Variants in SAAL1 observed in about 807,000 individuals in gnomAD.
SAAL1 encodes serum amyloid A like 1, also known as protein SAAL1.
In SAAL1, 42 loss-of-function variants were observed where a neutral mutation model predicts 59.8. That is an observed-to-expected ratio of 0.70 (90% confidence interval 0.55 to 0.91). The LOEUF (loss-of-function observed/expected upper bound fraction) is 0.91. SAAL1 is among the 40% of genes least tolerant of loss of function. SAAL1 has a pLI of 0.00. For synonymous variants in SAAL1, 191 were observed against 194.3 expected, an observed-to-expected ratio of 0.98 and a Z score of 0.14; for missense variants, 542 against 561.1, an observed-to-expected ratio of 0.97 and a Z score of 0.34.
intron 7 of SAAL1, 122 bp downstream of exon 7, chr11:18,089,208 C>A: frequency 1.2e-6 from 1 of 802,796 alleles, no homozygotes; most frequent in Non-Finnish European, 1.9e-6. Context: ...AGTGAATTAA[C>A]GTAACAAGGA....
chr11:18,095,559 T>C (rs532998348), intron 3 of SAAL1, among the ~76,000 whole-genome samples: 1 of 152,234 alleles, frequency 6.6e-6, no homozygotes, highest in Non-Finnish European at 1.5e-5. Context: ...AGCTCCATTC[T>C]TTCCTAGCTG....
chr11:18,096,576 C>A (rs995969642), intron 3 of SAAL1, among the ~76,000 whole-genome samples, 195 bp downstream of exon 3: 2 of 151,750 alleles, frequency 1.3e-5, no homozygotes, highest in African/African-American at 4.8e-5. Flanking sequence ...ATAGTGAGAC[C>A]CTGTCTCAAA....
chr11:18,087,086 T>TA (rs1848472319), intron 8 of SAAL1, 32 bp from the exon 9 acceptor site: 2 of 1,602,582 alleles, frequency 1.2e-6, no homozygotes, highest in Non-Finnish European at 1.7e-6. Flanking sequence ...AGCAGTACTT[T>TA]AAAATCAGCA....
chr11:18,081,450 G>A lies in SAAL1; in HGVS notation c.1293C>T (p.Ser431=), dbSNP rs746792411. ...KEGQLSKQKC[S]SAFQNLLPFY... ...AAGGAAGAAGGTTTTGAAATGCAGA[G>A]GAACACTTCTGTTTGCTCAACTGGC... Residue 431 remains serine, a synonymous_variant, in exon 11 of 12, where the codon TCC becomes TCT. Coordinates refer to ENST00000524803, the MANE Select transcript of SAAL1 (RefSeq NM_138421.3). The A allele has an allele frequency of 6.2e-7, 1 of 1,614,006 alleles. No homozygotes were observed.
chr11:18,101,788 G>A (rs544163651), intron 2 of SAAL1, among the ~76,000 whole-genome samples: 1 of 145,676 alleles, frequency 6.9e-6, no homozygotes, highest in South Asian at 2.4e-4. Context: ...ATAAATTGTG[G>A]TATATACATA....
chr11:18,103,462 T>A (rs562525406), intron 1 of SAAL1, 116 bp from the exon 2 acceptor site: 21 of 801,600 alleles, frequency 2.6e-5, no homozygotes, highest in Middle Eastern at 5.8e-4. Context: ...GAGAAAAAAA[T>A]TTGATTCCTG....
chr11:18,093,861 A>C (rs766993604), intron 3 of SAAL1: 8 of 152,238 alleles, frequency 5.3e-5, no homozygotes, highest in Non-Finnish European at 1.0e-4. Context: ...GGTGAAAGCA[A>C]AATAATCCAG....
intron 3 of SAAL1, among the ~76,000 whole-genome samples, chr11:18,094,397 G>T (rs1190875185): frequency 6.6e-6 from 1 of 152,170 alleles, no homozygotes; most frequent in African/African-American, 2.4e-5. Context: ...TTGAGTATGT[G>T]TGGATTTCAG....
intron 2 of SAAL1, among the ~76,000 whole-genome samples, chr11:18,099,645 A>C (rs1417356034): frequency 6.6e-6 from 1 of 152,266 alleles, no homozygotes; most frequent in African/African-American, 2.4e-5. Context: ...AACAGAGTGA[A>C]GCAATTCTGT....
chr11:18,103,412 T>C (rs2134066958), intron 1 of SAAL1, 66 bp from the exon 2 acceptor site: 4 of 1,112,500 alleles, frequency 3.6e-6, no homozygotes, highest in Non-Finnish European at 5.5e-6. Flanking sequence ...GGTACCCAAA[T>C]ACAGCAGGTG....
intron 2 of SAAL1, among the ~76,000 whole-genome samples, chr11:18,101,891 A>C (rs190203539): frequency 2.3e-3 from 351 of 152,012 alleles, no homozygotes; most frequent in Non-Finnish European, 4.0e-3. Flanking sequence ...TGTATAAAAG[A>C]GCCAGACCAA....
At chr11:18,084,500 T>A (rs1257174153) in intron 9 of SAAL1, among the ~76,000 whole-genome samples, 1 of 152,184 alleles carries the variant, frequency 6.6e-6, no homozygotes, top group Non-Finnish European at 1.5e-5. Flanking sequence ...CCATATGGGA[T>A]CTCACTGTTC....
At chr11:18,087,479 C>G (rs1331506115) in intron 7 of SAAL1, among the ~76,000 whole-genome samples, 1 of 152,136 alleles carries the variant, frequency 6.6e-6, no homozygotes, top group African/African-American at 2.4e-5. Context: ...CTTTTTGGCT[C>G]TATCTCATAA....
chr11:18,105,311 G>A (rs1166487656), intron 1 of SAAL1, among the ~76,000 whole-genome samples: 2 of 150,964 alleles, frequency 1.3e-5, no homozygotes, highest in Non-Finnish European at 2.9e-5. Flanking sequence ...TGGGACTACA[G>A]GCGTGCACCG....
intron 2 of SAAL1, among the ~76,000 whole-genome samples, chr11:18,099,810 C>A (rs1025699319): frequency 6.6e-6 from 1 of 152,182 alleles, no homozygotes; most frequent in African/African-American, 2.4e-5. Flanking sequence ...CCCATGGACA[C>A]GTGAAAGTGC....
At chr11:18,083,866 A>T (rs1848435757) in intron 9 of SAAL1, 135 bp from the exon 10 acceptor site, 1 of 482,262 alleles carries the variant, frequency 2.1e-6, no homozygotes, top group African/African-American at 1.9e-5. Context: ...ATGTCAGCCC[A>T]TAAGAGGCTT....
At chr11:18,101,502 G>A (rs1232134016) in intron 2 of SAAL1, among the ~76,000 whole-genome samples, 4 of 152,054 alleles carry the variant, frequency 2.6e-5, no homozygotes, top group Non-Finnish European at 2.9e-5. Flanking sequence ...TGTGAATAAG[G>A]TGCCTGCTTC....
intron 9 of SAAL1, among the ~76,000 whole-genome samples, chr11:18,085,585 T>C (rs1848455585): frequency 6.6e-6 from 1 of 152,228 alleles, no homozygotes; most frequent in Admixed American, 6.5e-5. Context: ...AGAAATTTTT[T>C]GTTTTTGGAA....
intron 9 of SAAL1, among the ~76,000 whole-genome samples, chr11:18,086,527 C>T (rs564033534): frequency 6.2e-4 from 95 of 152,098 alleles, no homozygotes; most frequent in African/African-American, 2.2e-3. Context: ...GGTAAAAACC[C>T]GTCTCTACTG....
Sources: allele counts gnomAD v4.1 joint callset (sites outside exome capture counted in the v4.1 genomes callset), GRCh38; gene constraint gnomAD v4.1.1; transcripts MANE v1.5; gene names NCBI Gene and HGNC (gene_info 2026-07-23, HGNC 2026-07-21).